The following ELAVL2 variants were observed in gnomAD, a reference collection of about 807,000 sequenced individuals.
ELAVL2 encodes ELAV-like protein 2.
In ELAVL2, 4 loss-of-function variants were observed where a neutral mutation model predicts 34.6. That is an observed-to-expected ratio of 0.12 (90% confidence interval 0.06 to 0.26). ELAVL2 has a LOEUF of 0.26. ELAVL2 is among the 10% of genes least tolerant of loss of function. The pLI is 1.00. For missense variants in ELAVL2, 432 were observed against 442.8 expected (o/e 0.98, Z 0.22); for synonymous variants, 193 against 154.8 (o/e 1.25, Z -1.83).
chr9:23,703,299 TA>T (rs932405669), intron 4 of ELAVL2, among the ~76,000 whole-genome samples: 1 of 152,196 alleles, frequency 6.6e-6, no homozygotes, highest in Non-Finnish European at 1.5e-5. Context: ...ACAAATGAAA[TA>T]AAAAATATTT....
the ELAVL2 span, among the ~76,000 whole-genome samples, chr9:23,843,842 A>G: frequency 6.6e-6 from 1 of 152,004 alleles, no homozygotes; most frequent in Non-Finnish European, 1.5e-5. Context: ...GCTACTAGCA[A>G]CAAAACACTA....
chr9:23,848,380 A>C, the ELAVL2 span, among the ~76,000 whole-genome samples: 1 of 152,198 alleles, frequency 6.6e-6, no homozygotes, highest in Non-Finnish European at 1.5e-5. Flanking sequence ...ATGTTACTAA[A>C]TTGATTCCTC....
intron 3 of ELAVL2, among the ~76,000 whole-genome samples, chr9:23,720,590 G>A (rs1346855255): frequency 6.6e-6 from 1 of 152,124 alleles, no homozygotes; most frequent in African/African-American, 2.4e-5. Context: ...ACACACAAAT[G>A]CCCTGAAAAT....
chr9:23,712,039 C>A (rs967850556), intron 3 of ELAVL2, among the ~76,000 whole-genome samples: 2 of 152,052 alleles, frequency 1.3e-5, no homozygotes. Flanking sequence ...TCCCCAGAGG[C>A]GACACAATCT....
chr9:23,712,088 C>A (rs938810707), intron 3 of ELAVL2, among the ~76,000 whole-genome samples: 1 of 151,980 alleles, frequency 6.6e-6, no homozygotes, highest in Non-Finnish European at 1.5e-5. Context: ...GGCTGTGGGG[C>A]GGGGGGAGTC....
At chr9:23,779,398 TA>T in intron 1 of ELAVL2, 1 of 985,342 alleles carries the variant, frequency 1.0e-6, no homozygotes, top group Non-Finnish European at 1.2e-6. Context: ...AAACACTGGC[TA>T]TTTATAGCAC....
chr9:23,840,816 T>G, the ELAVL2 span, among the ~76,000 whole-genome samples: 1 of 152,172 alleles, frequency 6.6e-6, no homozygotes, highest in Non-Finnish European at 1.5e-5. Flanking sequence ...TAATCAGTTT[T>G]TTCAGAGTTA....
At chr9:23,705,666 A>G (rs911957453) in intron 3 of ELAVL2, among the ~76,000 whole-genome samples, 1 of 152,180 alleles carries the variant, frequency 6.6e-6, no homozygotes, top group African/African-American at 2.4e-5. Flanking sequence ...AAACTGCACA[A>G]TCTAGATTCC....
intron 2 of ELAVL2, among the ~76,000 whole-genome samples, chr9:23,761,615 A>C (rs1161677650): frequency 6.6e-6 from 1 of 152,060 alleles, no homozygotes; most frequent in African/African-American, 2.4e-5. Context: ...TAACATAAGG[A>C]AAACACATTT....
chr9:23,710,691 C>T (rs934566156), intron 3 of ELAVL2, among the ~76,000 whole-genome samples: 1 of 152,168 alleles, frequency 6.6e-6, no homozygotes, highest in African/African-American at 2.4e-5. Flanking sequence ...TGAAAGGTCA[C>T]AGTTATGCCT....
the ELAVL2 span, among the ~76,000 whole-genome samples, chr9:23,835,183 G>A: frequency 3.3e-5 from 5 of 152,066 alleles, no homozygotes; most frequent in African/African-American, 1.2e-4. Flanking sequence ...TTATAATTCA[G>A]TTAATCACTT....
chr9:23,802,032 T>C (rs1403148815), intron 1 of ELAVL2, among the ~76,000 whole-genome samples: 1 of 152,240 alleles, frequency 6.6e-6, no homozygotes, highest in African/African-American at 2.4e-5. Context: ...TTTTGTTTTT[T>C]TAAGTGCAGA....
At chr9:23,839,632 T>C in the ELAVL2 span, among the ~76,000 whole-genome samples, 1 of 152,152 alleles carries the variant, frequency 6.6e-6, no homozygotes, top group Non-Finnish European at 1.5e-5. Flanking sequence ...TACACAATTA[T>C]TAATTTTTTA....
At chr9:23,738,705 A>C (rs570162003) in intron 2 of ELAVL2, among the ~76,000 whole-genome samples, 150 of 152,322 alleles carry the variant, frequency 9.8e-4, no homozygotes, top group African/African-American at 3.6e-3. Flanking sequence ...ACATGGAGCT[A>C]ATATAGAAGA....
At chr9:23,699,842 TTTTTTTTTTTA>T (rs2036573909) in intron 5 of ELAVL2, among the ~76,000 whole-genome samples, 1 of 110,838 alleles carries the variant, frequency 9.0e-6, no homozygotes, top group African/African-American at 3.2e-5. Context: ...TTTTTTTTTT[TTTTTTTTTTTA>T]ATACCAATGC....
intron 2 of ELAVL2, among the ~76,000 whole-genome samples, chr9:23,736,803 A>C (rs911733683): frequency 6.6e-6 from 1 of 152,194 alleles, no homozygotes; most frequent in African/African-American, 2.4e-5. Flanking sequence ...GTCCAGGAGA[A>C]CTTCTTAAAA....
chr9:23,824,989 C>T (rs1218295559), intron 1 of ELAVL2, among the ~76,000 whole-genome samples: 1 of 152,164 alleles, frequency 6.6e-6, no homozygotes, highest in Admixed American at 6.5e-5. Context: ...GAATCCACTT[C>T]CCAGCGCCCA....
At chr9:23,694,303 G>A (rs2132728971) in intron 5 of ELAVL2, among the ~76,000 whole-genome samples, 1 of 151,022 alleles carries the variant, frequency 6.6e-6, no homozygotes, top group South Asian at 2.1e-4. Context: ...TGGGGGTGGA[G>A]GTGTAAGTAC....
At chr9:23,781,157 C>G (rs945094240) in intron 1 of ELAVL2, among the ~76,000 whole-genome samples, 2 of 152,158 alleles carry the variant, frequency 1.3e-5, no homozygotes, top group Admixed American at 6.5e-5. Context: ...TAACAAATTA[C>G]AGATAAAAGA....
Sources: gnomAD v4.1 joint callset for allele counts (sites outside exome capture counted in the v4.1 genomes callset) on GRCh38, gnomAD v4.1.1 for gene constraint, MANE v1.5 for transcripts, NCBI Gene and HGNC (gene_info 2026-07-23, HGNC 2026-07-21) for gene names.